Variants in DENND1B observed in about 807,000 individuals in gnomAD.
DENND1B encodes the protein DENN domain-containing protein 1B.
A neutral mutation model predicts 90.1 loss-of-function variants in DENND1B; 59 were observed. The ratio of observed to expected loss-of-function variants is 0.65; its 90% CI spans 0.53 to 0.81. The LOEUF (loss-of-function observed/expected upper bound fraction) is 0.81, where lower values mean the gene tolerates loss of function less well. Ranked by LOEUF, DENND1B falls within the 40% of genes least tolerant of loss-of-function variation. The pLI is 0.00. For synonymous variants in DENND1B, 337 were observed against 324.6 expected, an observed-to-expected ratio of 1.04 and a Z score of -0.41; for missense variants, 862 against 912.6, an observed-to-expected ratio of 0.94 and a Z score of 0.71.
chr1:197,662,789 TC>T (rs1572235743), intron 5 of DENND1B, among the ~76,000 whole-genome samples: 1 of 152,070 alleles, frequency 6.6e-6, no homozygotes, highest in African/African-American at 2.4e-5. Flanking sequence ...TCTGTTGTAA[TC>T]TTAAAACAGC....
chr1:197,654,372 G>A (rs958819172), intron 6 of DENND1B, among the ~76,000 whole-genome samples: 2 of 152,214 alleles, frequency 1.3e-5, no homozygotes, highest in African/African-American at 4.8e-5. Flanking sequence ...AGCACTTTGG[G>A]GGGCTGAGGT....
intron 18 of DENND1B, 82 bp downstream of exon 18, chr1:197,545,840 T>A: frequency 8.4e-7 from 1 of 1,192,636 alleles, no homozygotes; most frequent in Admixed American, 2.6e-5. Context: ...AAATAGAAAA[T>A]ATTCAGAATT....
At position 197,604,911 on chromosome 1, in the gene DENND1B, A is replaced by G. The variant is rs570243530; in HGVS notation, c.921+2162T>C. 6.9e-4 allele frequency among the ~76,000 whole-genome samples: 105 copies of G among 151,276 alleles called. 2 individuals carry two copies. The highest frequency in any genetic ancestry group is 5.5e-3 in the Admixed American group (83 of 15,128). On this transcript the variant is annotated intron_variant, in intron 13 of 22. Coordinates refer to ENST00000620048, the MANE Select transcript of DENND1B (RefSeq NM_001195215.2). The stretch of plus-strand genomic sequence containing the variant: ...ACTTTAGAAAACTGATGAAAAAGCT[A>G]TATTTATTAGAAATGGGTTCTAAAA...
chr1:197,770,886 C>T (rs1206535396), intron 2 of DENND1B, among the ~76,000 whole-genome samples: 1 of 136,312 alleles, frequency 7.3e-6, no homozygotes, highest in East Asian at 2.0e-4. Context: ...ATATATGTAT[C>T]TATAAATATA....
At chr1:197,536,502 C>A (rs1282057823) in intron 20 of DENND1B, among the ~76,000 whole-genome samples, 1 of 151,932 alleles carries the variant, frequency 6.6e-6, no homozygotes, top group Non-Finnish European at 1.5e-5. Context: ...AACATCAATT[C>A]AAAGAAGTAA....
intron 2 of DENND1B, among the ~76,000 whole-genome samples, chr1:197,744,799 A>G (rs1663549901): frequency 6.6e-6 from 1 of 152,194 alleles, no homozygotes; most frequent in Non-Finnish European, 1.5e-5. Context: ...TTCTTTTAAT[A>G]TAAGGCTGTT....
intron 14 of DENND1B, among the ~76,000 whole-genome samples, chr1:197,583,999 A>G (rs1674474488): frequency 6.6e-6 from 1 of 152,194 alleles, no homozygotes; most frequent in Non-Finnish European, 1.5e-5. Flanking sequence ...AGCCCATTCA[A>G]CACAAACAAA....
chr1:197,718,962 GTTA>G (rs1660901109), intron 2 of DENND1B, among the ~76,000 whole-genome samples: 1 of 152,088 alleles, frequency 6.6e-6, no homozygotes, highest in African/African-American at 2.4e-5. Context: ...TAGAGTGTGT[GTTA>G]TTATGAAAGT....
intron 18 of DENND1B, among the ~76,000 whole-genome samples, chr1:197,541,806 GATT>G (rs753617284): frequency 7.2e-5 from 11 of 152,202 alleles, no homozygotes; most frequent in Non-Finnish European, 7.3e-5. Flanking sequence ...AATTCTGTAA[GATT>G]AGTACTACTA....
chr1:197,529,368 ATG>A (rs1406394529), intron 20 of DENND1B, among the ~76,000 whole-genome samples: 1 of 148,358 alleles, frequency 6.7e-6, no homozygotes, highest in Non-Finnish European at 1.5e-5. Flanking sequence ...GCACATGTGT[ATG>A]TGTGGGTGGG....
At chr1:197,530,789 C>A (rs1669559099) in intron 20 of DENND1B, among the ~76,000 whole-genome samples, 1 of 152,088 alleles carries the variant, frequency 6.6e-6, no homozygotes, top group Non-Finnish European at 1.5e-5. Flanking sequence ...TCTATAATGC[C>A]TATAGCATCC....
At chr1:197,747,457 C>T (rs1652856341) in intron 2 of DENND1B, 3 of 335,084 alleles carry the variant, frequency 9.0e-6, no homozygotes, top group African/African-American at 2.2e-5. Flanking sequence ...CACATCTTTT[C>T]GTCTGTCAGG....
chr1:197,587,870 G>A (rs79238039), intron 14 of DENND1B, among the ~76,000 whole-genome samples: 2,869 of 152,128 alleles, frequency 0.019, 39 homozygotes, highest in Middle Eastern at 0.034. Flanking sequence ...CAACTAGATG[G>A]TCTTATCTGG....
At chr1:197,627,013 A>C (rs995246365) in intron 10 of DENND1B, among the ~76,000 whole-genome samples, 7 of 152,028 alleles carry the variant, frequency 4.6e-5, no homozygotes, top group Admixed American at 1.3e-4. Flanking sequence ...CAATAACAGG[A>C]TCTGAAATTG....
intron 16 of DENND1B, among the ~76,000 whole-genome samples, chr1:197,550,592 C>T (rs1037788886): frequency 4.7e-4 from 71 of 149,864 alleles, no homozygotes; most frequent in African/African-American, 1.7e-3. Flanking sequence ...TGTTCTCACT[C>T]ATAGGTGGGA....
intron 10 of DENND1B, among the ~76,000 whole-genome samples, chr1:197,619,201 A>C: frequency 6.6e-6 from 1 of 151,242 alleles, no homozygotes; most frequent in East Asian, 1.9e-4. Context: ...TAAATTCCTT[A>C]ATTAGAGCCT....
intron 13 of DENND1B, among the ~76,000 whole-genome samples, chr1:197,601,278 T>C (rs906145085): frequency 6.6e-6 from 1 of 151,724 alleles, no homozygotes; most frequent in African/African-American, 2.4e-5. Context: ...ATCTGTTCCA[T>C]GCACAATTCT....
At chr1:197,569,379 C>A (rs945654427) in intron 15 of DENND1B, among the ~76,000 whole-genome samples, 2 of 151,978 alleles carry the variant, frequency 1.3e-5, no homozygotes, top group East Asian at 1.9e-4. Context: ...TCTCAAAAAA[C>A]CAAAAATAGA....
intron 7 of DENND1B, among the ~76,000 whole-genome samples, chr1:197,647,947 CA>C (rs5779884): frequency 0.26 from 20,738 of 78,530 alleles, 1,478 homozygotes; most frequent in Non-Finnish European, 0.31. Context: ...AACTCCACTT[CA>C]AAAAAAAAAA....
Sources: gnomAD v4.1 joint callset for allele counts (sites outside exome capture counted in the v4.1 genomes callset) on GRCh38, gnomAD v4.1.1 for gene constraint, MANE v1.5 for transcripts, NCBI Gene and HGNC (gene_info 2026-07-23, HGNC 2026-07-21) for gene names.